Variants in TCF4 observed in about 807,000 individuals in gnomAD.
The protein encoded by TCF4 is SL3-3 enhancer factor 2.
TCF4 carries 3 observed loss-of-function variants against 82.1 expected under a neutral mutation model. The ratio of observed to expected loss-of-function variants is 0.04; its 90% CI spans 0.02 to 0.09. TCF4 has a LOEUF of 0.09. Ranked by LOEUF, TCF4 falls within the 10% of genes least tolerant of loss-of-function variation. The probability of loss-of-function intolerance (pLI) is 1.00; values close to 1 mark genes in which losing one functional copy is unlikely to be tolerated. For synonymous variants in TCF4, 276 were observed against 309.6 expected (o/e 0.89, Z 1.14); for missense variants, 518 against 852.7 (o/e 0.61, Z 4.89).
At chr18:55,427,864 G>A (rs976463362) in intron 5 of TCF4, among the ~76,000 whole-genome samples, 2 of 152,286 alleles carry the variant, frequency 1.3e-5, no homozygotes, top group East Asian at 3.9e-4. Flanking sequence ...TGTTCATCAT[G>A]AGAACCAATG....
chr18:55,486,936 C>T (rs17596722), intron 3 of TCF4, among the ~76,000 whole-genome samples: 22,936 of 152,192 alleles, frequency 0.15, 2,251 homozygotes, highest in South Asian at 0.2. Flanking sequence ...TAATAAGGAC[C>T]TGAAAACAGG....
intron 2 of TCF4, among the ~76,000 whole-genome samples, chr18:55,621,517 TATA>T (rs1409594037): frequency 0.015 from 2 of 134 alleles, no homozygotes; most frequent in African/African-American, 0.031. Context: ...ATATATATTA[TATA>T]ATATTATATA....
intron 8 of TCF4, among the ~76,000 whole-genome samples, chr18:55,296,703 T>C (rs953732442): frequency 1.3e-5 from 2 of 152,222 alleles, no homozygotes; most frequent in Admixed American, 6.5e-5. Flanking sequence ...TAATCTGTGG[T>C]GTTTTCTAAA....
chr18:55,547,473 A>G (rs1016130237), intron 3 of TCF4, among the ~76,000 whole-genome samples: 5 of 152,342 alleles, frequency 3.3e-5, no homozygotes, highest in Admixed American at 2.6e-4. Context: ...GATCTAATCA[A>G]TACAGAGCTC....
chr18:55,453,300 A>G (rs1427309001), intron 5 of TCF4, among the ~76,000 whole-genome samples: 1 of 152,216 alleles, frequency 6.6e-6, no homozygotes, highest in African/African-American at 2.4e-5. Context: ...CAGCCCTGAC[A>G]TCACTGAGCT....
intron 3 of TCF4, among the ~76,000 whole-genome samples, chr18:55,488,888 C>G (rs2096546123): frequency 1.3e-5 from 2 of 152,206 alleles, no homozygotes; most frequent in Admixed American, 1.3e-4. Context: ...CACCTGTCCC[C>G]TATTTTGACG....
rs568192659 is a variant in TCF4, at chr18:55,577,111, T to C, written c.145+8169A>G. On this transcript the variant is annotated intron_variant, in intron 3 of 19. Coordinates refer to ENST00000354452, the MANE Select transcript of TCF4 (RefSeq NM_001083962.2). Reference sequence around the variant, plus strand: ...ATATACATTTATATATTTATATATGTATATATACATTTATATATTTATATA... The same window carrying C: ...ATATACATTTATATATTTATATATGCATATATACATTTATATATTTATATA... Among the ~76,000 whole-genome samples, 9 of 142,052 alleles carry C rather than the reference T, an allele frequency of 6.3e-5. 1 individual carries two copies. The highest frequency in any genetic ancestry group is 1.2e-4 in the African/African-American group (5 of 40,086). The allele number at this position is 142,052 out of a possible 152,430, so 93.2% of individuals were successfully genotyped here. A position where few individuals can be genotyped will look rare whatever the true frequency, so the allele number is the denominator to read the frequency against.
chr18:55,464,393 T>C (rs561692656), intron 3 of TCF4, among the ~76,000 whole-genome samples: 17 of 152,356 alleles, frequency 1.1e-4, no homozygotes, highest in South Asian at 8.3e-4. Context: ...CAGTGTTTGA[T>C]AGCCTCAGTC....
rs753891064 is a variant in TCF4, at chr18:55,275,677, T to G, written c.731A>C (p.Asn244Thr). 1 of 1,613,670 alleles carries G rather than the reference T, an allele frequency of 6.2e-7. No homozygotes were observed. The highest frequency in any genetic ancestry group is 1.3e-5 in the African/African-American group (1 of 74,874). ...NQPGYAGMLG[N>T]SSHIPQSSSY... ...GCTGGACTGTGGAATATGAGAAGAG[T>G]TGCCCAACATTCCTGCATAGCCAGG... The change falls in exon 10 of 20, where the codon AAC (asparagine) becomes ACC (threonine). Residue 244 changes from asparagine (N) to threonine (T), a missense_variant. Asn to Thr is a moderately conservative substitution (Grantham distance 65, BLOSUM62 0). Transcript: ENST00000354452.
intron 8 of TCF4, among the ~76,000 whole-genome samples, chr18:55,335,330 G>A (rs1258215530): frequency 1.3e-5 from 2 of 152,052 alleles, no homozygotes; most frequent in Admixed American, 6.5e-5. Context: ...GTAATATTGC[G>A]TGTTGTAAAA....
intron 6 of TCF4, among the ~76,000 whole-genome samples, chr18:55,390,861 C>T (rs2093024424): frequency 6.6e-6 from 1 of 152,188 alleles, no homozygotes; most frequent in African/African-American, 2.4e-5. Context: ...ATCCCTCCCT[C>T]TATACATAAA....
intron 3 of TCF4, among the ~76,000 whole-genome samples, chr18:55,493,559 C>T (rs72930780): frequency 0.034 from 5,106 of 152,004 alleles, 112 homozygotes; most frequent in Non-Finnish European, 0.052. Flanking sequence ...ACATTAAAAG[C>T]AAATAATGGA....
At chr18:55,514,970 T>C (rs1238065656) in intron 3 of TCF4, among the ~76,000 whole-genome samples, 1 of 152,176 alleles carries the variant, frequency 6.6e-6, no homozygotes, top group East Asian at 1.9e-4. Flanking sequence ...GCTAAGCAAT[T>C]AATAAACATG....
In TCF4 at chr18:55,224,567, C is replaced by T. The variant is rs1418982968; in HGVS notation, c.*3468G>A. ...CTGTTGGATGCAAAAGATGAAAATCCTCTTAACTCCAAGTCTTGGTTCGAC... is the reference window on the plus strand; with the variant it reads ...CTGTTGGATGCAAAAGATGAAAATCTTCTTAACTCCAAGTCTTGGTTCGAC... On this transcript the variant is annotated 3_prime_UTR_variant, in exon 20 of 20. Transcript: ENST00000354452. The T allele has an allele frequency of 6.6e-6, 1 of 152,428 alleles. No individual in the cohort carries two copies. Among genetic ancestry groups the T allele is most frequent in the Non-Finnish European group, 1.5e-5 (1 of 68,000 alleles). The allele number at this position is 152,428 out of a possible 1,614,324, so 9.4% of individuals were successfully genotyped here. A position where few individuals can be genotyped will look rare whatever the true frequency, so the allele number is the denominator to read the frequency against.
At chr18:55,527,541 G>T (rs2097000767) in intron 3 of TCF4, among the ~76,000 whole-genome samples, 1 of 152,140 alleles carries the variant, frequency 6.6e-6, no homozygotes, top group South Asian at 2.1e-4. Flanking sequence ...TCTTGGTGCA[G>T]ATTCAACAAG....
chr18:55,523,935 CA>C (rs2096955431), intron 3 of TCF4, among the ~76,000 whole-genome samples: 1 of 152,030 alleles, frequency 6.6e-6, no homozygotes, highest in Non-Finnish European at 1.5e-5. Context: ...GTTCTAGTAC[CA>C]AAACTAAAAG....
chr18:55,306,532 A>G (rs1330832482), intron 8 of TCF4, among the ~76,000 whole-genome samples: 1 of 152,236 alleles, frequency 6.6e-6, no homozygotes, highest in Non-Finnish European at 1.5e-5. Flanking sequence ...TAATAAAGAA[A>G]AGAATTAATT....
intron 6 of TCF4, among the ~76,000 whole-genome samples, chr18:55,389,615 TGCAA>T (rs1368169640): frequency 6.6e-6 from 1 of 152,112 alleles, no homozygotes; most frequent in Non-Finnish European, 1.5e-5. Flanking sequence ...TTGAGGGAAC[TGCAA>T]GCAGCTCAGT....
chr18:55,433,504 G>A (rs1261276192), intron 5 of TCF4, among the ~76,000 whole-genome samples: 1 of 152,190 alleles, frequency 6.6e-6, no homozygotes. Flanking sequence ...GATTTACTTT[G>A]CTGTTATGTG....
Sources: allele counts gnomAD v4.1 joint callset (sites outside exome capture counted in the v4.1 genomes callset), GRCh38; gene constraint gnomAD v4.1.1; transcripts MANE v1.5; gene names NCBI Gene and HGNC (gene_info 2026-07-23, HGNC 2026-07-21).